ACACB: variants seen among roughly 807,000 people sequenced by gnomAD.
ACACB encodes the protein acetyl-CoA carboxylase beta.
Under a neutral mutation model 278.8 loss-of-function variants are expected in ACACB, and 209 were observed. The ratio of observed to expected loss-of-function variants is 0.75; its 90% CI spans 0.67 to 0.84. ACACB has a LOEUF of 0.84. Among genes scored for constraint, ACACB ranks in the 40% least tolerant of loss-of-function variants. The probability of loss-of-function intolerance (pLI) is 0.00; values close to 1 mark genes in which losing one functional copy is unlikely to be tolerated. For missense variants in ACACB, 2,850 were observed against 3,269.0 expected, an observed-to-expected ratio of 0.87 and a Z score of 3.13; for synonymous variants, 1,174 against 1,285.6, an observed-to-expected ratio of 0.91 and a Z score of 1.86.
chr12:109,185,492 C>A, intron 11 of ACACB, 87 bp from the exon 12 acceptor site: 1 of 1,428,460 alleles, frequency 7.0e-7, no homozygotes, highest in Non-Finnish European at 9.7e-7. Context: ...TTGACTGAAC[C>A]TCCGTTGCAT....
chr12:109,160,797 C>T (rs372432147), intron 2 of ACACB, among the ~76,000 whole-genome samples: 2 of 152,208 alleles, frequency 1.3e-5, no homozygotes, highest in East Asian at 1.9e-4. Context: ...TTTGTGTGTT[C>T]GCTTGCCTAG....
intron 18 of ACACB, among the ~76,000 whole-genome samples, chr12:109,199,764 A>C (rs1272174771): frequency 6.6e-6 from 1 of 152,230 alleles, no homozygotes; most frequent in Non-Finnish European, 1.5e-5. Context: ...CTGTAATCCC[A>C]GCACTTTGGG....
chr12:109,186,580 C>T (rs2044670744), intron 12 of ACACB, among the ~76,000 whole-genome samples: 1 of 152,184 alleles, frequency 6.6e-6, no homozygotes, highest in Non-Finnish European at 1.5e-5. Flanking sequence ...GCATCCCTTA[C>T]AGTTTACATG....
intron 47 of ACACB, chr12:109,260,174 A>C (rs1593732476): frequency 7.0e-7 from 1 of 1,426,492 alleles, no homozygotes; most frequent in Non-Finnish European, 9.4e-7. Flanking sequence ...TCTTTGCTGG[A>C]AATGGTGGGG....
intron 11 of ACACB, among the ~76,000 whole-genome samples, chr12:109,184,435 C>G (rs10849921): frequency 0.89 from 135,919 of 152,214 alleles, 61,014 homozygotes; most frequent in Middle Eastern, 0.94. Context: ...AGGCCTCCTA[C>G]AACAAGAGCA....
At position 109,265,492 on chromosome 12, in the gene ACACB, T is replaced by C; in HGVS notation, c.7217T>C (p.Leu2406Pro). Residue 2406 changes from leucine to proline, a missense_variant, in exon 52 of 53, where the codon CTG becomes CCG. Coordinates refer to ENST00000338432, the MANE Select transcript of ACACB (RefSeq NM_001093.4). ...ACCATCCGTGAGAACATCACGTACC[T>C]GAAGCACGACTCTGTCCTCAAGACC... ...RSTIRENITYLKHDSVLKTIR... is the reference protein window; with the variant it reads ...RSTIRENITYPKHDSVLKTIR... 6.2e-7 allele frequency: 1 copy of C among 1,613,718 alleles called. No homozygotes were observed. The highest frequency in any genetic ancestry group is 2.2e-5 in the East Asian group (1 of 44,866).
At chr12:109,141,461 G>T (rs1332469777) in intron 2 of ACACB, among the ~76,000 whole-genome samples, 1 of 152,104 alleles carries the variant, frequency 6.6e-6, no homozygotes, top group Non-Finnish European at 1.5e-5. Context: ...AGAAAATTTG[G>T]GAAATATAGG....
intron 1 of ACACB, among the ~76,000 whole-genome samples, chr12:109,133,849 ATATATATATATATATTTTTT>A (rs1488463848): frequency 1.4e-4 from 6 of 43,980 alleles, no homozygotes; most frequent in South Asian, 1.9e-3. Flanking sequence ...ATATATATAT[ATATATATATATATATTTTTT>A]TTTTTTTTTT....
chr12:109,242,832 G>T (rs2046838670), intron 37 of ACACB, among the ~76,000 whole-genome samples: 1 of 152,188 alleles, frequency 6.6e-6, no homozygotes, highest in Non-Finnish European at 1.5e-5. Flanking sequence ...CGGGCGTGGT[G>T]GCGCATGCCT....
At chr12:109,264,099 C>T (rs2047448441) in intron 49 of ACACB, 133 bp from the exon 50 acceptor site, 1 of 1,079,572 alleles carries the variant, frequency 9.3e-7, no homozygotes, top group East Asian at 2.4e-5. Context: ...AGAGTTAAAG[C>T]TCAGACCTCT....
At chr12:109,241,826 AT>A (rs1424399223) in intron 36 of ACACB, 2 of 163,088 alleles carry the variant, frequency 1.2e-5, no homozygotes, top group African/African-American at 4.8e-5. Flanking sequence ...AAATATACAT[AT>A]ATATACACGC....
At chr12:109,144,754 C>CTTTTTT (rs71079528) in intron 2 of ACACB, among the ~76,000 whole-genome samples, 4 of 102,818 alleles carry the variant, frequency 3.9e-5, no homozygotes, top group Non-Finnish European at 5.3e-5. Flanking sequence ...TTCTTTCTTT[C>CTTTTTT]TTTTTTTTTT....
chr12:109,199,719 GA>G (rs956004965), intron 18 of ACACB, among the ~76,000 whole-genome samples, 167 bp downstream of exon 18: 3 of 152,146 alleles, frequency 2.0e-5, no homozygotes, highest in Admixed American at 6.5e-5. Context: ...AGTATTCAAA[GA>G]AAAAAACTTC....
intron 2 of ACACB, among the ~76,000 whole-genome samples, chr12:109,166,248 T>A (rs989243126): frequency 6.6e-6 from 1 of 152,204 alleles, no homozygotes; most frequent in African/African-American, 2.4e-5. Context: ...ACCCTTGTTA[T>A]AAGTTTTTTA....
At position 109,180,038 on chromosome 12, in the gene ACACB, C is replaced by G; in HGVS notation, c.1769C>G (p.Pro590Arg). The G allele has an allele frequency of 6.2e-7, 1 of 1,613,120 alleles. No homozygotes were observed. Among genetic ancestry groups the G allele is most frequent in the South Asian group, 1.1e-5 (1 of 91,034 alleles). The change falls in exon 11 of 53, where the codon CCC becomes CGC. Residue 590 changes from proline to arginine, a missense_variant. Coordinates refer to ENST00000338432, the MANE Select transcript of ACACB (RefSeq NM_001093.4). The stretch of plus-strand genomic sequence containing the variant: ...AATCCTCGCTTGCAGGTGGAACATC[C>G]CTGCACAGAAATGATTGCTGATGTT... The part of the protein sequence containing the change: ...ELNPRLQVEH[P>R]CTEMIADVNL...
chr12:109,129,428 G>A (rs753655235), intron 1 of ACACB, among the ~76,000 whole-genome samples: 11 of 152,140 alleles, frequency 7.2e-5, no homozygotes, highest in African/African-American at 1.2e-4. Flanking sequence ...AACACTTGTC[G>A]CGACTTATTA....
intron 11 of ACACB, among the ~76,000 whole-genome samples, chr12:109,181,094 G>T (rs1213393295): frequency 1.3e-5 from 2 of 151,824 alleles, no homozygotes; most frequent in African/African-American, 4.8e-5. Flanking sequence ...GTTTTTCTCT[G>T]CCTGGTTTAT....
At chr12:109,257,153 A>G (rs777100155) in intron 45 of ACACB, among the ~76,000 whole-genome samples, 2 of 152,126 alleles carry the variant, frequency 1.3e-5, no homozygotes, top group Non-Finnish European at 2.9e-5. Context: ...AGGCACCTGT[A>G]ATCCCAGCTA....
In ACACB at chr12:109,241,277, G is replaced by A. The variant is rs553023607; in HGVS notation, c.5018G>A (p.Gly1673Glu). The A allele has an allele frequency of 6.2e-7, 1 of 1,614,134 alleles. No individual in the cohort carries two copies. The highest frequency in any genetic ancestry group is 1.1e-5 in the South Asian group (1 of 91,068). The change falls in exon 36 of 53, where the codon GGA becomes GAA. Residue 1673 changes from glycine to glutamate, a missense_variant. Physicochemically the swap from Gly to Glu is moderately conservative, Grantham distance 98. This residue lies in a region of ACACB where 2,265 missense variants were observed against 2,561.3 expected (regional missense o/e 0.88). Coordinates refer to ENST00000338432, the MANE Select transcript of ACACB (RefSeq NM_001093.4). ...AAAGAAGTGACTGACTCCAGATCTG[G>A]AAATGTAAGGCTGGCCCGCGCCGTG... is the stretch of plus-strand genomic sequence containing the variant. Reference protein sequence around the residue: ...LYKEVTDSRSGNIMFHSFGNK... With the variant: ...LYKEVTDSRSENIMFHSFGNK...
Sources: gnomAD v4.1 joint callset for allele counts (sites outside exome capture counted in the v4.1 genomes callset) on GRCh38, gnomAD v4.1.1 for gene constraint, gnomAD v4.1.1 regional missense constraint, MANE v1.5 for transcripts, NCBI Gene and HGNC (gene_info 2026-07-23, HGNC 2026-07-21) for gene names.